Variants in SPOCK2 observed in about 807,000 individuals in gnomAD.
SPOCK2 encodes the protein testican-2.
SPOCK2 carries 39 observed loss-of-function variants against 60.1 expected under a neutral mutation model. The ratio of observed to expected loss-of-function variants is 0.65; its 90% CI spans 0.50 to 0.85. The LOEUF (loss-of-function observed/expected upper bound fraction) is 0.85, where lower values mean the gene tolerates loss of function less well. Ranked by LOEUF, SPOCK2 falls within the 40% of genes least tolerant of loss-of-function variation. The pLI, the probability that SPOCK2 is intolerant of heterozygous loss-of-function variation, is 0.00. For synonymous variants in SPOCK2, 217 were observed against 231.5 expected, an observed-to-expected ratio of 0.94 and a Z score of 0.57; for missense variants, 523 against 567.4, an observed-to-expected ratio of 0.92 and a Z score of 0.80.
At chr10:72,088,729 CA>C (rs1225799444), upstream of SPOCK2, 1 of 167,548 alleles carries the variant, frequency 6.0e-6, no homozygotes, top group Non-Finnish European at 1.3e-5. Context: ...GCCTGGCACA[CA>C]GGGAGTTGCA....
intron 8 of SPOCK2, among the ~76,000 whole-genome samples, chr10:72,066,169 C>T (rs1840564338): frequency 6.6e-6 from 1 of 152,134 alleles, no homozygotes. Flanking sequence ...AGGCTGATGA[C>T]AACGTATGTA....
At chr10:72,088,093 C>A in intron 1 of SPOCK2, 47 bp downstream of exon 1, 1 of 1,600,102 alleles carries the variant, frequency 6.2e-7, no homozygotes, top group Middle Eastern at 2.1e-4. Context: ...GCTCAATCCC[C>A]GAACCCGCAA....
At chr10:72,077,009 G>A (rs1239784988) in intron 1 of SPOCK2, among the ~76,000 whole-genome samples, 1 of 152,226 alleles carries the variant, frequency 6.6e-6, no homozygotes, top group Non-Finnish European at 1.5e-5. Flanking sequence ...AAGGGGCACT[G>A]GACCAGGAGT....
rs1172021934 is a variant in SPOCK2 at position 72,062,079 on chromosome 10, G to A, written c.*681C>T. On this transcript the variant is annotated 3_prime_UTR_variant, in exon 11 of 11. Transcript: ENST00000373109. The surrounding 1 kb of genome is among the most constrained non-coding windows in gnomAD (Gnocchi z 4.3). ...GGTTAGGAGAGCTTCTCTAGTGTTT[G>A]GGGATCCGGCAAAGGGACAGGGCTT... 1 of 152,688 alleles carries A rather than the reference G, an allele frequency of 6.5e-6. No homozygotes were observed. The highest frequency in any genetic ancestry group is 2.4e-5 in the African/African-American group (1 of 41,456). 9.5% of individuals were successfully genotyped at this position (152,688 alleles called of 1,614,324 possible).
chr10:72,072,183 TG>T lies in SPOCK2; in HGVS notation c.319del (p.Gln107SerfsTer20). ...RHKVCIAQGY[Q>X]RAMCISRKKL... The stretch of plus-strand genomic sequence containing the variant: ...CTTGCGACTGATGCACATGGCCCGC[TG>T]GTAGCCCTGGGCAATGCACACCTTG... On this transcript the variant is annotated frameshift_variant, in exon 4 of 11. Transcript: ENST00000373109. LOFTEE classifies it high-confidence loss of function. 6.4e-7 allele frequency: 1 copy of T among 1,550,402 alleles called. No homozygotes were observed. Among genetic ancestry groups the T allele is most frequent in the Non-Finnish European group, 8.7e-7 (1 of 1,148,386 alleles).
At chr10:72,073,312 T>G (rs1840674291) in intron 1 of SPOCK2, among the ~76,000 whole-genome samples, 1 of 152,188 alleles carries the variant, frequency 6.6e-6, no homozygotes, top group Admixed American at 6.5e-5. Context: ...ACTGTCTGTC[T>G]CCTGCCAAGG....
intron 8 of SPOCK2, 50 bp from the exon 9 acceptor site, chr10:72,064,290 G>C: frequency 6.6e-7 from 1 of 1,508,678 alleles, no homozygotes; most frequent in Middle Eastern, 1.8e-4. Flanking sequence ...GGTGCTGGGG[G>C]GATGCACTGA....
chr10:72,062,766 GA>G lies in SPOCK2; in HGVS notation c.1268del (p.Ile423ThrfsTer19). The G allele has an allele frequency of 1.2e-6, 2 of 1,604,980 alleles. No homozygotes were observed. The highest frequency in any genetic ancestry group is 1.7e-6 in the Non-Finnish European group (2 of 1,179,210). On this transcript the variant is annotated frameshift_variant, in exon 11 of 11. Coordinates refer to ENST00000373109, the MANE Select transcript of SPOCK2 (RefSeq NM_001244950.2). LOFTEE classifies it high-confidence loss of function. This position sits in a 1 kb window ranked among gnomAD's most constrained non-coding sequence, Gnocchi z 4.3. Reference protein sequence around the residue: ...EAGEADDGGYIW With the variant: ...EAGEADDGGYXW ...AGCCGGCTCCTGAGGGCGTCTACCA[GA>G]TGTAGCCCCCGTCGTCAGCCTCGCC...
rs56695392 is a variant in SPOCK2 at position 72,067,027 on chromosome 10, G to A, written c.803C>T (p.Thr268Met). The A allele has an allele frequency of 1.1e-4, 184 of 1,614,224 alleles. No homozygotes were observed. In the African/African-American group the frequency reaches 2.1e-3, roughly 19 times the overall value. ...GTCCAGGTTGATGGCGGCCAGCTCC[G>A]TCTGGTCCAGGAAGAGGTCAGCACT... ...DTSADLFLDQ[T>M]ELAAINLDKY... is the part of the protein sequence containing the mutation. The change falls in exon 8 of 11, where the codon ACG (threonine) becomes ATG (methionine). Residue 268 changes from threonine (T) to methionine (M), a missense_variant. Thr to Met is a moderately conservative substitution (Grantham distance 81, BLOSUM62 -1). Coordinates refer to ENST00000373109, the MANE Select transcript of SPOCK2 (RefSeq NM_001244950.2).
At chr10:72,082,072 C>T (rs1050089328) in intron 1 of SPOCK2, among the ~76,000 whole-genome samples, 5 of 152,238 alleles carry the variant, frequency 3.3e-5, no homozygotes, top group African/African-American at 9.6e-5. Context: ...GTGACAAACA[C>T]ACATTACAAA....
Position 72,063,267 on chromosome 10 carries a change from C to T in SPOCK2, c.992-105G>A, listed in dbSNP as rs1441273765. On this transcript the variant is annotated intron_variant, in intron 9 of 10. Coordinates refer to ENST00000373109, the MANE Select transcript of SPOCK2 (RefSeq NM_001244950.2). ...TGCATGAGCAGAAGTCTATACACCC[C>T]CAGAGCCCAGCCAGACCGGGTGCTG... 7 of 1,463,750 alleles carry T rather than the reference C, an allele frequency of 4.8e-6. No individual in the cohort carries two copies. The Admixed American group carries it at 1.6e-4, about 33-fold the overall frequency. The allele number at this position is 1,463,750 out of a possible 1,614,324, so 90.7% of individuals were successfully genotyped here.
rs771862078 is a variant in SPOCK2, at chr10:72,060,441, AC to A, written c.*2318del. 10 of 151,960 alleles carry A rather than the reference AC, an allele frequency of 6.6e-5. No homozygotes were observed. The highest frequency in any genetic ancestry group is 1.3e-4 in the Non-Finnish European group (9 of 67,988). The allele number at this position is 151,960 out of a possible 1,614,324, so 9.4% of individuals were successfully genotyped here. On this transcript the variant is annotated 3_prime_UTR_variant, in exon 11 of 11. Coordinates refer to ENST00000373109, the MANE Select transcript of SPOCK2 (RefSeq NM_001244950.2). ...GGGTGACATCAAGAGGACAGGGGACACCCTTCCTCTGAACTCCTTCCTTCCC... is the reference window on the plus strand; with the variant it reads ...GGGTGACATCAAGAGGACAGGGGACACCTTCCTCTGAACTCCTTCCTTCCC...
chr10:72,085,154 G>GCATTAAATTCCAC (rs1416024123), intron 1 of SPOCK2, among the ~76,000 whole-genome samples: 3 of 152,188 alleles, frequency 2.0e-5, no homozygotes, highest in Non-Finnish European at 4.4e-5. Context: ...ACCCAGTTGT[G>GCATTAAATTCCAC]CAGGGAGTGA....
Position 72,088,395 on chromosome 10 carries a change from C to G in SPOCK2, c.-67G>C. ...TATTTTAATGTCCTTCCTCCCACCC[C>G]GCTGCTGGCGAAGCGCACGCGGCTG... On this transcript the variant is annotated 5_prime_UTR_variant, in exon 1 of 11. Transcript: ENST00000373109. 1.4e-6 allele frequency: 2 copies of G among 1,433,316 alleles called. No homozygotes were observed. Among genetic ancestry groups the G allele is most frequent in the Non-Finnish European group, 1.8e-6 (2 of 1,094,092 alleles). The allele number at this position is 1,433,316 out of a possible 1,614,324, so 88.8% of individuals were successfully genotyped here. A position where few individuals can be genotyped will look rare whatever the true frequency, so the allele number is the denominator to read the frequency against.
Position 72,076,058 on chromosome 10 carries a change from G to A in SPOCK2, c.190-3148C>T, listed in dbSNP as rs1182413647. ...GAAGAGACCCCCGGACTGCAAGTGCGGAAAATGAGGGACAGAGATGCCACA... is the reference window on the plus strand; with the variant it reads ...GAAGAGACCCCCGGACTGCAAGTGCAGAAAATGAGGGACAGAGATGCCACA... On this transcript the variant is annotated intron_variant, in intron 1 of 10. Transcript: ENST00000373109. 7.9e-5 allele frequency among the ~76,000 whole-genome samples: 12 copies of A among 152,154 alleles called. 1 individual carries two copies. Among genetic ancestry groups the A allele is most frequent in the Admixed American group, 3.9e-4 (6 of 15,278 alleles).
intron 6 of SPOCK2, 84 bp from the exon 7 acceptor site, chr10:72,067,816 C>G: frequency 6.5e-7 from 1 of 1,541,788 alleles, no homozygotes; most frequent in Non-Finnish European, 8.8e-7. Context: ...GCCCTACAGG[C>G]CAGGAGGCTG....
Position 72,062,522 on chromosome 10 carries a change from A to C in SPOCK2, c.*238T>G. 1 of 674,476 alleles carries C rather than the reference A, an allele frequency of 1.5e-6. No individual in the cohort carries two copies. Among genetic ancestry groups the C allele is most frequent in the Non-Finnish European group, 2.3e-6 (1 of 441,484 alleles). The allele number at this position is 674,476 out of a possible 1,614,324, so 41.8% of individuals were successfully genotyped here. ...CAGGAGCAGTGTGGATCAAGGACACATTTGTCAGCGCATGCCACACACACA... is the reference window on the plus strand; with the variant it reads ...CAGGAGCAGTGTGGATCAAGGACACCTTTGTCAGCGCATGCCACACACACA... On this transcript the variant is annotated 3_prime_UTR_variant, in exon 11 of 11. Coordinates refer to ENST00000373109, the MANE Select transcript of SPOCK2 (RefSeq NM_001244950.2). The surrounding 1 kb of genome is among the most constrained non-coding windows in gnomAD (Gnocchi z 4.3).
intron 1 of SPOCK2, among the ~76,000 whole-genome samples, chr10:72,084,173 A>C (rs1263083065): frequency 1.3e-5 from 2 of 152,232 alleles, no homozygotes; most frequent in East Asian, 3.8e-4. Context: ...TCACAGGGAC[A>C]GGCATGGTGT....
rs1840516285 is a variant in SPOCK2 at position 72,063,012 on chromosome 10, G to A, written c.1129+13C>T. 3 of 1,562,784 alleles carry A rather than the reference G, an allele frequency of 1.9e-6. No homozygotes were observed. Among genetic ancestry groups the A allele is most frequent in the East Asian group, 2.4e-5 (1 of 41,880 alleles). On this transcript the variant is annotated intron_variant, in intron 10 of 10. Transcript: ENST00000373109. Reference sequence around the variant, plus strand: ...CTGGGCCCCCAGCAGGCCCTGAGCTGCCCAGCCCGTACCGCAGTCGGGGCT... The same window carrying A: ...CTGGGCCCCCAGCAGGCCCTGAGCTACCCAGCCCGTACCGCAGTCGGGGCT...
Sources: allele counts gnomAD v4.1 joint callset (sites outside exome capture counted in the v4.1 genomes callset), GRCh38; gene constraint gnomAD v4.1.1; non-coding constraint Gnocchi (gnomAD v3.1); transcripts MANE v1.5; gene names NCBI Gene and HGNC (gene_info 2026-07-23, HGNC 2026-07-21).